Variants in LIPA observed in about 807,000 individuals in gnomAD.
LIPA encodes lysosomal acid lipase/cholesteryl ester hydrolase.
In LIPA, 26 loss-of-function variants were observed where a neutral mutation model predicts 40.6. The ratio of observed to expected loss-of-function variants is 0.64; its 90% confidence interval spans 0.47 to 0.89. The LOEUF is 0.89. Ranked by LOEUF, LIPA falls within the 40% of genes least tolerant of loss-of-function variation. The pLI is 0.00. For synonymous variants in LIPA, 188 were observed against 168.4 expected (o/e 1.12, Z -0.90); for missense variants, 455 against 479.6 (o/e 0.95, Z 0.48).
chr10:89,341,762 C>G (rs1016541876), intron 1 of LIPA, among the ~76,000 whole-genome samples: 3 of 152,186 alleles, frequency 2.0e-5, no homozygotes, highest in Non-Finnish European at 4.4e-5. Context: ...GAGTTGCCCT[C>G]TGGTATTCAC....
Position 89,226,960 on chromosome 10 carries a change from A to C in LIPA, c.473T>G (p.Phe158Cys), listed in dbSNP as rs772664616. The stretch of plus-strand genomic sequence containing the variant: ...TTCTTGGCCAGTTTTATTCAGAATG[A>C]AGTTAATGGAAGCTGGTAGGTCATA... ...AKYDLPASINFILNKTGQEQV... is the reference protein window; with the variant it reads ...AKYDLPASINCILNKTGQEQV... The change falls in exon 5 of 10, where the codon TTC (phenylalanine) becomes TGC (cysteine). Residue 158 changes from phenylalanine to cysteine, a missense_variant. Physicochemically the swap from Phe to Cys is radical, Grantham distance 205. Coordinates refer to ENST00000336233, the MANE Select transcript of LIPA (RefSeq NM_000235.4). The C allele has an allele frequency of 1.2e-6, 2 of 1,613,446 alleles. No individual in the cohort carries two copies. Among genetic ancestry groups the C allele is most frequent in the African/African-American group, 2.7e-5 (2 of 74,938 alleles).
chr10:89,321,738 T>C (rs900015763), intron 1 of LIPA, among the ~76,000 whole-genome samples: 1 of 152,250 alleles, frequency 6.6e-6, no homozygotes, highest in Non-Finnish European at 1.5e-5. Context: ...CAAAGGATTA[T>C]AAATCATGCT....
chr10:89,348,502 C>A (rs993197203), intron 2 of LIPA, among the ~76,000 whole-genome samples: 1 of 152,182 alleles, frequency 6.6e-6, no homozygotes, highest in African/African-American at 2.4e-5. Context: ...TGCTACTGAA[C>A]AAAACTGGGG....
chr10:89,332,224 G>A (rs1250914252), intron 1 of LIPA, among the ~76,000 whole-genome samples: 1 of 152,220 alleles, frequency 6.6e-6, no homozygotes, highest in Non-Finnish European at 1.5e-5. Context: ...ACAGGTCAAA[G>A]AGCAACAGTC....
chr10:89,282,508 T>C (rs910644231), intron 1 of LIPA, among the ~76,000 whole-genome samples: 27 of 151,830 alleles, frequency 1.8e-4, no homozygotes, highest in Non-Finnish European at 2.9e-5. Flanking sequence ...GGCATGGTGG[T>C]GCATGCCTAT....
chr10:89,403,592 C>T (rs1290995478), intron 2 of LIPA: 2 of 1,614,020 alleles, frequency 1.2e-6, no homozygotes, highest in Middle Eastern at 1.6e-4. Flanking sequence ...ATCTGGAAAG[C>T]TTGAGCCTCC....
rs750287464 is a variant in LIPA at position 89,223,667 on chromosome 10, A to G, written c.822+17T>C. 1 of 1,591,132 alleles carries G rather than the reference A, an allele frequency of 6.3e-7. No individual in the cohort carries two copies. Among genetic ancestry groups the G allele is most frequent in the South Asian group, 1.1e-5 (1 of 90,582 alleles). Reference sequence around the variant, plus strand: ...CAGATAAAAAAAAAAATCAAATCTTACTATAAACATGCATACCATATTTAA... The same window carrying G: ...CAGATAAAAAAAAAAATCAAATCTTGCTATAAACATGCATACCATATTTAA... On this transcript the variant is annotated intron_variant, in intron 7 of 9. Coordinates refer to ENST00000336233, the MANE Select transcript of LIPA (RefSeq NM_000235.4).
At chr10:89,268,536 T>C (rs938021046) in intron 1 of LIPA, among the ~76,000 whole-genome samples, 2 of 152,224 alleles carry the variant, frequency 1.3e-5, no homozygotes, top group Non-Finnish European at 2.9e-5. Context: ...CTCTGATACA[T>C]AATTTCACAA....
chr10:89,222,158 A>C (rs986448787), intron 8 of LIPA, among the ~76,000 whole-genome samples: 4 of 152,126 alleles, frequency 2.6e-5, no homozygotes, highest in African/African-American at 9.7e-5. Flanking sequence ...GAAATAAAAA[A>C]AATCTAGGAC....
intron 2 of LIPA, chr10:89,403,790 T>A: frequency 1.3e-6 from 1 of 774,376 alleles, no homozygotes; most frequent in Non-Finnish European, 2.1e-6. Flanking sequence ...TGCTTACTGT[T>A]TTCAGAAACA....
chr10:89,225,056 G>T, intron 6 of LIPA, 36 bp downstream of exon 6: 1 of 1,610,610 alleles, frequency 6.2e-7, no homozygotes, highest in Non-Finnish European at 8.5e-7. Context: ...GAGGAAATCT[G>T]CGGGGAGAGG....
At chr10:89,257,134 T>A (rs1370478758) in intron 1 of LIPA, among the ~76,000 whole-genome samples, 1 of 152,260 alleles carries the variant, frequency 6.6e-6, no homozygotes, top group Non-Finnish European at 1.5e-5. Context: ...GTCCAAGGAC[T>A]GACAGTTGCT....
Position 89,329,383 on chromosome 10 carries a change from T to G in LIPA, c.-2+13228A>C, listed in dbSNP as rs1279866576. ...GTGGGATTGACCAGAGAGCAAGGCG[T>G]CTTAGTAGCCAGCTTGCAGGAAAGG... is the stretch of plus-strand genomic sequence containing the variant. On this transcript the variant is annotated intron_variant, in intron 1 of 5. Transcript: ENST00000282673. Among the ~76,000 whole-genome samples the G allele has an allele frequency of 2.6e-5, 4 of 152,256 alleles. No homozygotes were observed. In the East Asian group the frequency reaches 7.7e-4, roughly 29 times the overall value.
At chr10:89,320,227 G>A (rs1843563852) in intron 1 of LIPA, among the ~76,000 whole-genome samples, 1 of 152,194 alleles carries the variant, frequency 6.6e-6, no homozygotes, top group Admixed American at 6.5e-5. Flanking sequence ...GGGCAATCAG[G>A]CAGGAGAAAG....
intron 4 of LIPA, 67 bp from the exon 5 acceptor site, chr10:89,227,071 A>G (rs762331015): frequency 2.2e-5 from 21 of 956,190 alleles, no homozygotes; most frequent in Non-Finnish European, 3.6e-5. Flanking sequence ...CATACTGAGT[A>G]TGCAGTTTGA....
chr10:89,340,252 G>A, intron 1 of LIPA: 1 of 1,058,732 alleles, frequency 9.4e-7, no homozygotes, highest in Non-Finnish European at 1.3e-6. Flanking sequence ...TTGCTCTAAG[G>A]TACATTTTTA....
intron 3 of LIPA, among the ~76,000 whole-genome samples, chr10:89,230,948 G>C (rs1410595072): frequency 6.6e-6 from 1 of 152,156 alleles, no homozygotes; most frequent in Non-Finnish European, 1.5e-5. Flanking sequence ...ACAAATGAGA[G>C]CTTCCTTTGC....
chr10:89,216,754 T>G (rs1305930680), intron 8 of LIPA, among the ~76,000 whole-genome samples: 2 of 152,156 alleles, frequency 1.3e-5, no homozygotes, highest in African/African-American at 4.8e-5. Context: ...AATTTTGGTT[T>G]GGGGATGATG....
At chr10:89,361,279 A>G (rs1282943226) in intron 2 of LIPA, among the ~76,000 whole-genome samples, 1 of 152,214 alleles carries the variant, frequency 6.6e-6, no homozygotes, top group Non-Finnish European at 1.5e-5. Context: ...CTAAGAAATA[A>G]TTCTTTGTAA....
Sources: gnomAD v4.1 joint callset for allele counts (sites outside exome capture counted in the v4.1 genomes callset) on GRCh38, gnomAD v4.1.1 for gene constraint, MANE v1.5 for transcripts, NCBI Gene and HGNC (gene_info 2026-07-23, HGNC 2026-07-21) for gene names.